RAPGEF2: variants seen among roughly 807,000 people sequenced by gnomAD.
RAPGEF2 encodes the protein PDZ domain containing guanine nucleotide exchange factor (GEF) 1.
RAPGEF2 carries 54 observed loss-of-function variants against 186.7 expected under a neutral mutation model. The ratio of observed to expected loss-of-function variants is 0.29; its 90% confidence interval spans 0.23 to 0.36. The LOEUF (loss-of-function observed/expected upper bound fraction) is 0.36. RAPGEF2 is among the 10% of genes least tolerant of loss of function. RAPGEF2 has a pLI of 1.00. For synonymous variants in RAPGEF2, 712 were observed against 705.9 expected (o/e 1.01, Z -0.14); for missense variants, 1,532 against 2,045.0 (o/e 0.75, Z 4.84).
At chr4:159,162,184 A>C (rs2111221995) in intron 1 of RAPGEF2, among the ~76,000 whole-genome samples, 1 of 150,278 alleles carries the variant, frequency 6.7e-6, no homozygotes, top group South Asian at 2.1e-4. Context: ...CAAGAGTTTA[A>C]TACTCGCCTG....
chr4:159,312,161 G>C lies in RAPGEF2; in HGVS notation c.676-2430G>C, dbSNP rs539118084. Among the ~76,000 whole-genome samples, 210 of 152,084 alleles carry C rather than the reference G, an allele frequency of 1.4e-3. 1 individual carries two copies. Among genetic ancestry groups the C allele is most frequent in the African/African-American group, 4.6e-3 (192 of 41,506 alleles). Reference sequence around the variant, plus strand: ...TTCCATCTTTTTGCATACATTAGATGTTTTAAAATTAAAGAAAAACCATTA... The same window carrying C: ...TTCCATCTTTTTGCATACATTAGATCTTTTAAAATTAAAGAAAAACCATTA... On this transcript the variant is annotated intron_variant, in intron 8 of 29. Coordinates refer to ENST00000691494, the MANE Select transcript of RAPGEF2 (RefSeq NM_001394067.2).
intron 1 of RAPGEF2, among the ~76,000 whole-genome samples, chr4:159,182,412 T>C (rs1374252883): frequency 9.6e-6 from 1 of 104,274 alleles, no homozygotes; most frequent in Non-Finnish European, 2.0e-5. Flanking sequence ...TTTTTTTTTT[T>C]TGATACAGAG....
At chr4:159,261,925 T>C (rs987170177) in intron 7 of RAPGEF2, among the ~76,000 whole-genome samples, 4 of 152,024 alleles carry the variant, frequency 2.6e-5, no homozygotes, top group African/African-American at 9.7e-5. Flanking sequence ...TAGGTCTTTA[T>C]ATTTATTCCT....
In RAPGEF2 at chr4:159,338,301, C is replaced by G. The variant is rs749994218; in HGVS notation, c.2136-10C>G. ...TTGTTGATAATTTTCTAATTTTCCT[C>G]TTTGTTCAGTGATATTGGGATTGGT... On this transcript the variant is annotated splice_polypyrimidine_tract_variant and intron_variant, in intron 17 of 29. Transcript: ENST00000691494. 1.8e-5 allele frequency: 28 copies of G among 1,596,130 alleles called. No homozygotes were observed. Among genetic ancestry groups the G allele is most frequent in the Non-Finnish European group, 2.0e-5 (23 of 1,168,340 alleles).
chr4:159,356,225 C>A, intron 29 of RAPGEF2, 67 bp downstream of exon 29: 1 of 1,464,236 alleles, frequency 6.8e-7, no homozygotes, highest in Non-Finnish European at 9.3e-7. Context: ...CTTCCCAAGG[C>A]ATTTCTGTTC....
chr4:159,221,119 A>G (rs1751500958), intron 4 of RAPGEF2, among the ~76,000 whole-genome samples: 1 of 152,184 alleles, frequency 6.6e-6, no homozygotes, highest in African/African-American at 2.4e-5. Context: ...TTTTCTTACT[A>G]TGTTAGTTGT....
chr4:159,152,329 TAAG>T (rs1561017185), intron 1 of RAPGEF2, among the ~76,000 whole-genome samples: 1 of 151,824 alleles, frequency 6.6e-6, no homozygotes, highest in African/African-American at 2.4e-5. Flanking sequence ...TAAAAAAAAA[TAAG>T]AAAGAAAGAA....
chr4:159,330,032 T>A, intron 12 of RAPGEF2, 22 bp downstream of exon 12: 1 of 1,576,794 alleles, frequency 6.3e-7, no homozygotes, highest in Non-Finnish European at 8.6e-7. Flanking sequence ...GACCACTCCT[T>A]CCCAAGGAAA....
At chr4:159,336,293 T>C (rs1171218751) in intron 17 of RAPGEF2, among the ~76,000 whole-genome samples, 1 of 152,158 alleles carries the variant, frequency 6.6e-6, no homozygotes, top group Non-Finnish European at 1.5e-5. Context: ...TTGTACCTAA[T>C]GTGTAACTTT....
chr4:159,254,978 T>C (rs967370025), intron 7 of RAPGEF2, among the ~76,000 whole-genome samples: 2 of 152,198 alleles, frequency 1.3e-5, no homozygotes, highest in Non-Finnish European at 2.9e-5. Flanking sequence ...ACAGTGGTCC[T>C]GTAAGATGAA....
chr4:159,110,902 A>ATATGTT (rs1553993027), intron 1 of RAPGEF2, among the ~76,000 whole-genome samples: 2 of 150,870 alleles, frequency 1.3e-5, no homozygotes, highest in Middle Eastern at 3.5e-3. Context: ...GAGCTAGAAT[A>ATATGTT]TATATTTATG....
At chr4:159,282,746 T>C (rs1021103442) in intron 7 of RAPGEF2, 2 of 380,314 alleles carry the variant, frequency 5.3e-6, no homozygotes, top group African/African-American at 2.2e-5. Context: ...ATATAGATTA[T>C]AGAAGCATGG....
intron 8 of RAPGEF2, among the ~76,000 whole-genome samples, chr4:159,307,735 G>A (rs1763473619): frequency 6.6e-6 from 1 of 152,148 alleles, no homozygotes; most frequent in African/African-American, 2.4e-5. Flanking sequence ...ATTTTGGGGG[G>A]CCAAGGCAGG....
intron 1 of RAPGEF2, among the ~76,000 whole-genome samples, chr4:159,167,377 A>G (rs1443217074): frequency 6.6e-6 from 1 of 152,232 alleles, no homozygotes; most frequent in Non-Finnish European, 1.5e-5. Context: ...GTCAGAGTCC[A>G]GGAGTCAGTT....
At chr4:159,198,239 T>TCTTC (rs1363215459) in intron 3 of RAPGEF2, among the ~76,000 whole-genome samples, 9 of 127,846 alleles carry the variant, frequency 7.0e-5, no homozygotes, top group African/African-American at 2.6e-4. Context: ...TTCTTTTCTT[T>TCTTC]CTTTCTTCCT....
intron 4 of RAPGEF2, among the ~76,000 whole-genome samples, chr4:159,211,998 T>C (rs1191913591): frequency 6.6e-6 from 1 of 152,230 alleles, no homozygotes; most frequent in Non-Finnish European, 1.5e-5. Flanking sequence ...TACAGTACTT[T>C]CCATTTACCA....
chr4:159,271,627 A>G (rs562663937), intron 7 of RAPGEF2, among the ~76,000 whole-genome samples: 6 of 152,276 alleles, frequency 3.9e-5, no homozygotes, highest in Admixed American at 2.0e-4. Flanking sequence ...TTTTATAGCC[A>G]TTGCCTTAAC....
At chr4:159,325,599 G>GT (rs1391487295) in intron 11 of RAPGEF2, among the ~76,000 whole-genome samples, 5 of 106,360 alleles carry the variant, frequency 4.7e-5, no homozygotes, top group South Asian at 2.7e-4. Flanking sequence ...GTAAAAGTTT[G>GT]TTTGTTTTTT....
intron 3 of RAPGEF2, among the ~76,000 whole-genome samples, chr4:159,194,400 A>G (rs925517575): frequency 3.3e-5 from 5 of 152,150 alleles, no homozygotes; most frequent in East Asian, 1.9e-4. Flanking sequence ...ATAACATGTT[A>G]TGGAAAATTT....
Sources: allele counts gnomAD v4.1 joint callset (sites outside exome capture counted in the v4.1 genomes callset), GRCh38; gene constraint gnomAD v4.1.1; transcripts MANE v1.5; gene names NCBI Gene and HGNC (gene_info 2026-07-23, HGNC 2026-07-21).